The following TDRD7 variants were observed in gnomAD, a reference collection of about 807,000 sequenced individuals.
The protein encoded by TDRD7 is tudor domain-containing protein 7.
A neutral mutation model predicts 109.8 loss-of-function variants in TDRD7; 47 were observed. That is an observed-to-expected ratio of 0.43 (90% CI 0.34 to 0.55). The LOEUF (loss-of-function observed/expected upper bound fraction) is 0.55, where lower values mean the gene tolerates loss of function less well. TDRD7 is among the 20% of genes least tolerant of loss of function. The pLI is 0.03. For synonymous variants in TDRD7, 424 were observed against 457.3 expected, an observed-to-expected ratio of 0.93 and a Z score of 0.93; for missense variants, 1,164 against 1,319.2, an observed-to-expected ratio of 0.88 and a Z score of 1.82.
At chr9:97,460,032 T>G (rs1587878518) in intron 6 of TDRD7, 146 bp from the exon 7 acceptor site, 1 of 719,222 alleles carries the variant, frequency 1.4e-6, no homozygotes, top group East Asian at 2.7e-5. Context: ...GATAATGCAT[T>G]AAAGTCCTAG....
At chr9:97,418,794 A>G (rs1023399207) in intron 1 of TDRD7, among the ~76,000 whole-genome samples, 1 of 152,196 alleles carries the variant, frequency 6.6e-6, no homozygotes, top group African/African-American at 2.4e-5. Context: ...CAGGACACCC[A>G]TTAGTAAAAT....
chr9:97,414,723 T>C (rs949933650), intron 1 of TDRD7, among the ~76,000 whole-genome samples: 3 of 152,198 alleles, frequency 2.0e-5, no homozygotes, highest in African/African-American at 7.2e-5. Context: ...AAAAAACTCT[T>C]AAGGAAGTAT....
chr9:97,433,722 A>G (rs1828146580), intron 4 of TDRD7, among the ~76,000 whole-genome samples: 1 of 152,228 alleles, frequency 6.6e-6, no homozygotes, highest in Non-Finnish European at 1.5e-5. Context: ...ATTTCTCAAT[A>G]GAAGACATAC....
intron 8 of TDRD7, among the ~76,000 whole-genome samples, chr9:97,469,084 C>T (rs1828868253): frequency 6.6e-6 from 1 of 152,220 alleles, no homozygotes; most frequent in South Asian, 2.1e-4. Context: ...AGAATACATT[C>T]TGAATTTCCC....
Sources: allele counts gnomAD v4.1 joint callset (sites outside exome capture counted in the v4.1 genomes callset), GRCh38; gene constraint gnomAD v4.1.1; transcripts MANE v1.5; gene names NCBI Gene and HGNC (gene_info 2026-07-23, HGNC 2026-07-21).